SPRY3: variants seen among roughly 807,000 people sequenced by gnomAD.
The protein encoded by SPRY3 is sprouty RTK signaling antagonist 3, also known as protein sprouty homolog 3.
A neutral mutation model predicts 20.2 loss-of-function variants in SPRY3; 15 were observed. The ratio of observed to expected loss-of-function variants is 0.74; its 90% CI spans 0.50 to 1.14. SPRY3 has a LOEUF of 1.14. Among genes scored for constraint, SPRY3 ranks in the 50% most tolerant of loss-of-function variants. The pLI is 0.00. For missense variants in SPRY3, 364 were observed against 363.9 expected (o/e 1.00, Z 0.00); for synonymous variants, 143 against 136.5 (o/e 1.05, Z -0.33).
chrX:155,714,230 G>A (rs1285131835), intron 2 of SPRY3, among the ~76,000 whole-genome samples: 1 of 152,080 alleles, frequency 6.6e-6, no homozygotes, highest in Non-Finnish European at 1.5e-5. Flanking sequence ...ATGAGATTAT[G>A]TTTTCTTTTC....
intron 1 of SPRY3, among the ~76,000 whole-genome samples, chrX:155,626,747 C>A (rs1276651391): frequency 1.8e-5 from 2 of 111,503 alleles, no homozygotes; most frequent in African/African-American, 6.5e-5. Context: ...AAGGGTTCAA[C>A]TTCATTCTTT....
At chrX:155,751,323 A>G (rs2091261066) in intron 2 of SPRY3, among the ~76,000 whole-genome samples, 1 of 151,924 alleles carries the variant, frequency 6.6e-6, no homozygotes, top group Non-Finnish European at 1.5e-5. Context: ...ATTAGATGCC[A>G]AGAAATTGGC....
intron 2 of SPRY3, among the ~76,000 whole-genome samples, chrX:155,727,748 C>T (rs1049522516): frequency 6.6e-6 from 1 of 152,108 alleles, no homozygotes; most frequent in African/African-American, 2.4e-5. Context: ...TTAGAATGTG[C>T]TTCTTTAGCT....
chrX:155,620,516 C>T lies in SPRY3; in HGVS notation c.-441+7869C>T, dbSNP rs190162775. Among the ~76,000 whole-genome samples the T allele has an allele frequency of 2.3e-4, 26 of 111,594 alleles. No homozygotes were observed. The East Asian group carries it at 4.8e-3, about 20-fold the overall frequency. ...TACTCACCCATATAAAATAATTACT[C>T]GAAAGCAACAAACGTAGATGAACCT... On this transcript the variant is annotated intron_variant, in intron 1 of 3. Coordinates refer to ENST00000675360, the Ensembl canonical transcript of SPRY3.
intron 1 of SPRY3, among the ~76,000 whole-genome samples, chrX:155,654,843 C>T (rs1557352840): frequency 9.1e-6 from 1 of 110,342 alleles, no homozygotes; most frequent in Non-Finnish European, 1.9e-5. Context: ...TGCAAGTATC[C>T]TTTTAATTAA....
intron 2 of SPRY3, among the ~76,000 whole-genome samples, chrX:155,693,383 T>A (rs944396055): frequency 1.8e-5 from 2 of 112,147 alleles, no homozygotes; most frequent in South Asian, 7.4e-4. Context: ...TTGAAACTTG[T>A]TTTATGACCC....
At chrX:155,700,687 G>A (rs1263517669) in intron 2 of SPRY3, among the ~76,000 whole-genome samples, 1 of 60,599 alleles carries the variant, frequency 1.7e-5, no homozygotes, top group Non-Finnish European at 2.8e-5. Context: ...ATGTATACAT[G>A]TGCCATGCTG....
chrX:155,649,256 C>T (rs782110432), intron 1 of SPRY3, among the ~76,000 whole-genome samples: 3 of 111,736 alleles, frequency 2.7e-5, no homozygotes, highest in Non-Finnish European at 1.9e-5. Flanking sequence ...GGACTCTTCC[C>T]TAACTCATTT....
chrX:155,712,323 A>C (rs1025421940), intron 2 of SPRY3, among the ~76,000 whole-genome samples: 1 of 151,878 alleles, frequency 6.6e-6, no homozygotes, highest in African/African-American at 2.4e-5. Flanking sequence ...ATTGGGGTCT[A>C]TCTCTCTTTA....
intron 2 of SPRY3, among the ~76,000 whole-genome samples, chrX:155,733,504 T>C (rs2091148395): frequency 6.6e-6 from 1 of 151,922 alleles, no homozygotes; most frequent in African/African-American, 2.4e-5. Context: ...GCTGTCATCC[T>C]GGGCTTTGAT....
intron 2 of SPRY3, among the ~76,000 whole-genome samples, chrX:155,671,841 A>G (rs1185311764): frequency 9.0e-5 from 10 of 111,570 alleles, no homozygotes; most frequent in Admixed American, 3.8e-4. Flanking sequence ...TAAGCAAGGG[A>G]TCCAGTTTCA....
intron 1 of SPRY3, among the ~76,000 whole-genome samples, chrX:155,653,775 A>T (rs1459505905): frequency 1.8e-5 from 2 of 111,948 alleles, no homozygotes; most frequent in Non-Finnish European, 3.8e-5. Context: ...TGTCATTTCC[A>T]TATCTATAGA....
chrX:155,747,360 C>T (rs2091232848), intron 2 of SPRY3, among the ~76,000 whole-genome samples: 1 of 151,812 alleles, frequency 6.6e-6, no homozygotes, highest in Non-Finnish European at 1.5e-5. Context: ...TAAGACCCAC[C>T]TCCTTAAAAC....
At chrX:155,633,376 TAAAAAAA>T (rs1170609386) in intron 1 of SPRY3, among the ~76,000 whole-genome samples, 2 of 21,093 alleles carry the variant, frequency 9.5e-5, no homozygotes, top group Non-Finnish European at 1.8e-4. Context: ...CCGTCTCTAC[TAAAAAAA>T]AAAAAAAAAA....
chrX:155,723,404 A>G (rs1247922019), intron 2 of SPRY3, among the ~76,000 whole-genome samples: 4 of 152,098 alleles, frequency 2.6e-5, no homozygotes, highest in African/African-American at 7.2e-5. Flanking sequence ...CACCAACAGT[A>G]TAAAAGCATT....
At chrX:155,633,570 A>G (rs1372682624) in intron 1 of SPRY3, among the ~76,000 whole-genome samples, 3 of 110,263 alleles carry the variant, frequency 2.7e-5, no homozygotes, top group African/African-American at 9.9e-5. Context: ...AAATAGCCAG[A>G]TCTTTTGGGG....
chrX:155,675,519 A>G (rs782306023), intron 2 of SPRY3, among the ~76,000 whole-genome samples: 3 of 111,357 alleles, frequency 2.7e-5, no homozygotes, highest in South Asian at 3.8e-4. Context: ...TAGGAGGAAC[A>G]TGATTTTCAG....
rs746391298 is a variant in SPRY3, at chrX:155,697,633, GGT to G, written c.-282+40629_-282+40630del. 5.1e-4 allele frequency among the ~76,000 whole-genome samples: 53 copies of G among 104,526 alleles called. 1 individual carries two copies. Among genetic ancestry groups the G allele is most frequent in the African/African-American group, 1.0e-3 (30 of 28,723 alleles). 90.8% of individuals were successfully genotyped at this position (104,526 alleles called of 115,157 possible). On this transcript the variant is annotated intron_variant, in intron 2 of 3. Coordinates refer to ENST00000675360, the Ensembl canonical transcript of SPRY3. ...TGCCTGGTTGTGCATTGTAGGTAGG[GGT>G]GTGTGTGTGTGTGTGTGTGTCTGTG...
intron 2 of SPRY3, among the ~76,000 whole-genome samples, chrX:155,751,373 A>C (rs1156726494): frequency 6.6e-6 from 1 of 151,880 alleles, no homozygotes; most frequent in Non-Finnish European, 1.5e-5. Flanking sequence ...TGATGCCACT[A>C]CTTTATTAAG....
Sources: gnomAD v4.1 joint callset for allele counts (sites outside exome capture counted in the v4.1 genomes callset) on GRCh38, gnomAD v4.1.1 for gene constraint, MANE v1.5 for transcripts, NCBI Gene and HGNC (gene_info 2026-07-23, HGNC 2026-07-21) for gene names.